The following ADGRG7 variants were observed in gnomAD, a reference collection of about 807,000 sequenced individuals.
ADGRG7 encodes the protein adhesion G protein-coupled receptor G7, also known as G-protein coupled receptor 128.
A neutral mutation model predicts 88.6 loss-of-function variants in ADGRG7; 82 were observed. The ratio of observed to expected loss-of-function variants is 0.93; its 90% CI spans 0.77 to 1.11. The LOEUF is 1.11. ADGRG7 is among the 50% of genes most tolerant of loss of function. The pLI, the probability that ADGRG7 is intolerant of heterozygous loss-of-function variation, is 0.00. For missense variants in ADGRG7, 945 were observed against 953.4 expected, an observed-to-expected ratio of 0.99 and a Z score of 0.12; for synonymous variants, 381 against 345.2, an observed-to-expected ratio of 1.10 and a Z score of -1.15.
Position 100,694,881 on chromosome 3 carries a change from G to A in ADGRG7, c.2274G>A (p.Lys758=). 1.2e-6 allele frequency: 2 copies of A among 1,614,180 alleles called. No homozygotes were observed. The highest frequency in any genetic ancestry group is 1.7e-6 in the Non-Finnish European group (2 of 1,180,032). The part of the protein sequence containing the change: ...PSVTRPRLRV[K]MYNFLRSLPT... Reference sequence around the variant, plus strand: ...TGACGCGGCCGAGGCTGCGTGTAAAGATGTATAATTTCCTCAGGTCATTGC... The same window carrying A: ...TGACGCGGCCGAGGCTGCGTGTAAAAATGTATAATTTCCTCAGGTCATTGC... Residue 758 remains lysine (K), a synonymous_variant, in exon 16 of 16, where the codon AAG becomes AAA. Coordinates refer to ENST00000273352, the MANE Select transcript of ADGRG7 (RefSeq NM_032787.3).
At chr3:100,659,636 A>G (rs1404607159) in intron 13 of ADGRG7, 52 bp from the exon 14 acceptor site, 7 of 1,533,064 alleles carry the variant, frequency 4.6e-6, no homozygotes, top group South Asian at 1.2e-5. Flanking sequence ...CACAAAGACC[A>G]GTATGTATAC....
chr3:100,687,978 T>C (rs937125417), intron 15 of ADGRG7, among the ~76,000 whole-genome samples: 141 of 152,164 alleles, frequency 9.3e-4, no homozygotes, highest in Non-Finnish European at 1.5e-3. Context: ...GTACCTCTGG[T>C]AGAATTCGGC....
At chr3:100,655,864 A>G in intron 12 of ADGRG7, 35 bp from the exon 13 acceptor site, 1 of 1,169,942 alleles carries the variant, frequency 8.5e-7, no homozygotes, top group South Asian at 1.3e-5. Flanking sequence ...AAGTCTGGAT[A>G]AATCATTAAT....
intron 12 of ADGRG7, 103 bp downstream of exon 12, chr3:100,655,284 A>G: frequency 1.3e-6 from 1 of 764,596 alleles, no homozygotes; most frequent in Non-Finnish European, 2.1e-6. Flanking sequence ...TGACGTAATT[A>G]AGAGGAGATA....
intron 1 of ADGRG7, among the ~76,000 whole-genome samples, chr3:100,622,434 T>C: frequency 6.6e-6 from 1 of 152,174 alleles, no homozygotes; most frequent in Non-Finnish European, 1.5e-5. Flanking sequence ...TTAATCTATT[T>C]GTCTATTCTA....
intron 15 of ADGRG7, among the ~76,000 whole-genome samples, chr3:100,672,113 G>A (rs2094959541): frequency 6.6e-6 from 1 of 152,122 alleles, no homozygotes; most frequent in African/African-American, 2.4e-5. Flanking sequence ...GTAGTTTGGT[G>A]GGAATAGTAT....
Position 100,610,469 on chromosome 3 carries a change from A to G in ADGRG7, c.115+498A>G, listed in dbSNP as rs144576891. Among the ~76,000 whole-genome samples, 149 of 152,350 alleles carry G rather than the reference A, an allele frequency of 9.8e-4. 1 individual carries two copies. Among genetic ancestry groups the G allele is most frequent in the African/African-American group, 3.3e-3 (137 of 41,578 alleles). On this transcript the variant is annotated intron_variant, in intron 1 of 15. Transcript: ENST00000273352. ...GAAATGATCTCATGGTTTGCATACA[A>G]ATTTCCCACTTTCCAGATGTAGGAA... is the stretch of plus-strand genomic sequence containing the variant.
Position 100,609,622 on chromosome 3 carries a change from A to G in ADGRG7, c.-235A>G. The G allele has an allele frequency of 7.7e-6, 3 of 390,470 alleles. No homozygotes were observed. Among genetic ancestry groups the G allele is most frequent in the Non-Finnish European group, 1.5e-5 (3 of 204,834 alleles). 24.2% of individuals were successfully genotyped at this position (390,470 alleles called of 1,614,324 possible). A position where few individuals can be genotyped will look rare whatever the true frequency, so the allele number is the denominator to read the frequency against. ...AATCACTTTTTTCATGTTCTCCTTG[A>G]GTGAAGGATGAGGAAATTGAAAGCA... On this transcript the variant is annotated 5_prime_UTR_variant, in exon 1 of 16. Coordinates refer to ENST00000273352, the MANE Select transcript of ADGRG7 (RefSeq NM_032787.3).
intron 1 of ADGRG7, among the ~76,000 whole-genome samples, chr3:100,615,546 G>A (rs1707213668): frequency 6.6e-6 from 1 of 152,182 alleles, no homozygotes; most frequent in Admixed American, 6.5e-5. Flanking sequence ...CAATGGCATT[G>A]TGCTAGGATT....
At chr3:100,629,914 T>C (rs1435821064) in intron 2 of ADGRG7, among the ~76,000 whole-genome samples, 1 of 152,158 alleles carries the variant, frequency 6.6e-6, no homozygotes, top group Non-Finnish European at 1.5e-5. Flanking sequence ...TCAATGCACC[T>C]TATCTGTTTC....
In ADGRG7 at chr3:100,609,638, A is replaced by T. The variant is rs1707116383; in HGVS notation, c.-219A>T. The T allele has an allele frequency of 2.4e-6, 1 of 415,828 alleles. No homozygotes were observed. The highest frequency in any genetic ancestry group is 2.0e-5 in the African/African-American group (1 of 49,278). 25.8% of individuals were successfully genotyped at this position (415,828 alleles called of 1,614,324 possible). On this transcript the variant is annotated 5_prime_UTR_variant, in exon 1 of 16. Coordinates refer to ENST00000273352, the MANE Select transcript of ADGRG7 (RefSeq NM_032787.3). ...TTCTCCTTGAGTGAAGGATGAGGAAATTGAAAGCAGAGTATGCACCTTTTA... is the reference window on the plus strand; with the variant it reads ...TTCTCCTTGAGTGAAGGATGAGGAATTTGAAAGCAGAGTATGCACCTTTTA...
chr3:100,637,524 G>T, intron 6 of ADGRG7, 122 bp downstream of exon 6: 1 of 689,716 alleles, frequency 1.4e-6, no homozygotes, highest in Non-Finnish European at 2.5e-6. Flanking sequence ...GATTCCTCTG[G>T]AATGTAGATA....
At chr3:100,639,386 T>G (rs1399237729) in intron 6 of ADGRG7, among the ~76,000 whole-genome samples, 1 of 152,214 alleles carries the variant, frequency 6.6e-6, no homozygotes, top group Non-Finnish European at 1.5e-5. Context: ...TACTTAGCGT[T>G]GAATTTTCAA....
intron 14 of ADGRG7, among the ~76,000 whole-genome samples, chr3:100,661,411 T>C (rs1228201526): frequency 6.6e-6 from 1 of 152,240 alleles, no homozygotes; most frequent in African/African-American, 2.4e-5. Flanking sequence ...TCTTTTTTTC[T>C]TTTAATGTTA....
chr3:100,657,369 C>T (rs147927759), intron 13 of ADGRG7, among the ~76,000 whole-genome samples: 76 of 152,336 alleles, frequency 5.0e-4, no homozygotes, highest in African/African-American at 1.7e-3. Context: ...GTGCACTCCC[C>T]TGTTGCTCCC....
At chr3:100,642,339 T>C (rs1707654777) in intron 6 of ADGRG7, among the ~76,000 whole-genome samples, 4 of 152,230 alleles carry the variant, frequency 2.6e-5, no homozygotes, top group Admixed American at 2.6e-4. Flanking sequence ...GGAAAACATT[T>C]CAATCAGAGG....
chr3:100,648,461 GTTTTT>G (rs1414987870), intron 10 of ADGRG7, among the ~76,000 whole-genome samples: 20 of 151,998 alleles, frequency 1.3e-4, no homozygotes, highest in African/African-American at 4.6e-4. Flanking sequence ...TGTGTATTTT[GTTTTT>G]ATTTTATTTC....
intron 3 of ADGRG7, among the ~76,000 whole-genome samples, chr3:100,631,262 A>G (rs1284104738): frequency 6.6e-6 from 1 of 152,164 alleles, no homozygotes; most frequent in African/African-American, 2.4e-5. Context: ...TTAGTTATCC[A>G]TCTTGGAACA....
chr3:100,614,005 A>G (rs1005283087), intron 1 of ADGRG7, among the ~76,000 whole-genome samples: 1 of 152,224 alleles, frequency 6.6e-6, no homozygotes, highest in Non-Finnish European at 1.5e-5. Context: ...TTATGTGCAT[A>G]GTAGTAAACC....
Sources: allele counts gnomAD v4.1 joint callset (sites outside exome capture counted in the v4.1 genomes callset), GRCh38; gene constraint gnomAD v4.1.1; transcripts MANE v1.5; gene names NCBI Gene and HGNC (gene_info 2026-07-23, HGNC 2026-07-21).